CFAP74: variants seen among roughly 807,000 people sequenced by gnomAD.
CFAP74 encodes the protein cilia- and flagella-associated protein 74.
CFAP74 carries 124 observed loss-of-function variants against 188.9 expected under a neutral mutation model. The observed-to-expected ratio is 0.66, with a 90% CI of 0.57 to 0.76. The LOEUF (loss-of-function observed/expected upper bound fraction) is 0.76. Among genes scored for constraint, CFAP74 ranks in the 30% least tolerant of loss-of-function variants. The pLI, the probability that CFAP74 is intolerant of heterozygous loss-of-function variation, is 0.00. For missense variants in CFAP74, 2,198 were observed against 2,165.2 expected (o/e 1.02, Z -0.30); for synonymous variants, 956 against 916.7 (o/e 1.04, Z -0.77).
chr1:1,951,886 T>C (rs1654222471), intron 18 of CFAP74, among the ~76,000 whole-genome samples: 1 of 152,132 alleles, frequency 6.6e-6, no homozygotes, highest in Non-Finnish European at 1.5e-5. Flanking sequence ...GCCTGTGTGA[T>C]GCAAACCGCC....
At position 1,939,702 on chromosome 1, in the gene CFAP74, C is replaced by T. The variant is rs770019230; in HGVS notation, c.2769G>A (p.Ser923=). 12 of 1,535,964 alleles carry T rather than the reference C, an allele frequency of 7.8e-6. No individual in the cohort carries two copies. Among genetic ancestry groups the T allele is most frequent in the Admixed American group, 3.9e-5 (2 of 50,980 alleles). Residue 923 remains serine (S), a synonymous_variant, in exon 24 of 39, where the codon TCG becomes TCA. Coordinates refer to ENST00000682832, the MANE Select transcript of CFAP74 (RefSeq NM_001304360.2). ...VTTSDLELSP[S]EVDFGYCTIY... ...TGGTGCAGTAGCCAAAATCCACCTC[C>T]GAGGGACTGAGCTCCAGGTCCGAGG...
Position 1,970,938 on chromosome 1 carries a change from CAT to C in CFAP74, c.889-124_889-123del, listed in dbSNP as rs761122409. On this transcript the variant is annotated intron_variant, in intron 9 of 38. Coordinates refer to ENST00000682832, the MANE Select transcript of CFAP74 (RefSeq NM_001304360.2). ...ACACGTGCACACACGTGCACACACACATGCACACCTGCACATGCACACATCAC... is the reference window on the plus strand; with the variant it reads ...ACACGTGCACACACGTGCACACACACGCACACCTGCACATGCACACATCAC... The C allele has an allele frequency of 3.7e-3, 4,388 of 1,186,484 alleles. 25 individuals carry two copies. Among genetic ancestry groups the C allele is most frequent in the Non-Finnish European group, 4.5e-3 (3,722 of 831,852 alleles). The allele number at this position is 1,186,484 out of a possible 1,614,324, so 73.5% of individuals were successfully genotyped here. A position where few individuals can be genotyped will look rare whatever the true frequency, so the allele number is the denominator to read the frequency against.
At chr1:1,943,269 T>C (rs548639081) in intron 21 of CFAP74, among the ~76,000 whole-genome samples, 32 of 151,444 alleles carry the variant, frequency 2.1e-4, no homozygotes, top group African/African-American at 6.4e-4. Context: ...TGAGAGGCTG[T>C]AGTAGGACGA....
At chr1:1,988,832 C>CCCCACCCCCACCCCCACCCCCCCACA in intron 3 of CFAP74, 57 bp downstream of exon 3, 1 of 436,596 alleles carries the variant, frequency 2.3e-6, no homozygotes, top group African/African-American at 2.4e-5. Flanking sequence ...ACCCCCCCAC[C>CCCCACCCCCACCCCCACCCCCCCACA]CCCACCCCCA....
chr1:1,942,099 C>T lies in CFAP74; in HGVS notation c.2544G>A (p.Leu848=). 6.5e-7 allele frequency: 1 copy of T among 1,532,432 alleles called. No homozygotes were observed. The highest frequency in any genetic ancestry group is 8.7e-7 in the Non-Finnish European group (1 of 1,145,458). 94.9% of individuals were successfully genotyped at this position (1,532,432 alleles called of 1,614,324 possible). The change falls in exon 22 of 39, where the codon CTG becomes CTA. Residue 848 remains leucine (L), a synonymous_variant. Transcript: ENST00000682832. This position sits in a 1 kb window ranked among gnomAD's most constrained non-coding sequence, Gnocchi z 4.3. ...FEVCKELRAH[L]ELLPKTGYIQ... ...TATAGCCTGTCTTGGGCAGGAGCTC[C>T]AGGTGGGCCCTCAGCTCCTTGCACA...
At chr1:1,932,651 T>C (rs1652507355) in intron 25 of CFAP74, among the ~76,000 whole-genome samples, 1 of 151,464 alleles carries the variant, frequency 6.6e-6, no homozygotes, top group Non-Finnish European at 1.5e-5. Context: ...TGGAGAGCAG[T>C]GGCATGATCT....
At position 1,970,777 on chromosome 1, in the gene CFAP74, C is replaced by CCTTG. The variant is rs1558041281; in HGVS notation, c.924_927dup (p.Ala310GlnfsTer12). ...TGGACCCTCTGCTCCGCCAGCTCTG[C>CCTTG]CTTGGCACGGTCCCATGCTTGGAAC... is the stretch of plus-strand genomic sequence containing the variant. On this transcript the variant is annotated frameshift_variant, in exon 10 of 39. Coordinates refer to ENST00000682832, the MANE Select transcript of CFAP74 (RefSeq NM_001304360.2). LOFTEE classifies it high-confidence loss of function. 1.9e-6 allele frequency: 3 copies of CCTTG among 1,614,174 alleles called. No individual in the cohort carries two copies. The Admixed American group carries it at 5.0e-5, about 27-fold the overall frequency.
At chr1:1,999,793 G>C (rs761134907) in intron 1 of CFAP74, among the ~76,000 whole-genome samples, 1 of 152,078 alleles carries the variant, frequency 6.6e-6, no homozygotes, top group Non-Finnish European at 1.5e-5. Context: ...CTACAGCTTA[G>C]GCGACAGAGC....
intron 25 of CFAP74, among the ~76,000 whole-genome samples, chr1:1,935,867 T>TACACAC (rs35582265): frequency 5.8e-4 from 86 of 147,882 alleles, no homozygotes; most frequent in African/African-American, 2.0e-3. Context: ...TTTTCAGCAC[T>TACACAC]ACACACACAC....
chr1:1,964,901 A>G lies in CFAP74; in HGVS notation c.1562T>C (p.Leu521Pro), dbSNP rs1413064734. The G allele has an allele frequency of 1.9e-5, 31 of 1,613,492 alleles. No homozygotes were observed. Among genetic ancestry groups the G allele is most frequent in the Non-Finnish European group, 2.6e-5 (31 of 1,179,922 alleles). ...CTGCGGGCTCACCTGGAAGTGGAGG[A>G]GCTCCGGTTTGCTGTTGAAGGGGCG... ...QGRPFNSKPE[L>P]LHFQDFDIGK... is the part of the protein sequence containing the mutation. The change falls in exon 13 of 39, where the codon CTC (leucine) becomes CCC (proline). Residue 521 changes from leucine to proline, a missense_variant. By Grantham distance (98) the Leu-to-Pro change is moderately conservative. Coordinates refer to ENST00000682832, the MANE Select transcript of CFAP74 (RefSeq NM_001304360.2).
intron 18 of CFAP74, among the ~76,000 whole-genome samples, chr1:1,948,856 C>T (rs1653966309): frequency 6.6e-6 from 1 of 152,024 alleles, no homozygotes; most frequent in Non-Finnish European, 1.5e-5. Flanking sequence ...CATGTCTGAA[C>T]CATGCAAGAT....
intron 4 of CFAP74, 40 bp downstream of exon 4, chr1:1,988,472 A>T: frequency 6.2e-7 from 1 of 1,603,964 alleles, no homozygotes; most frequent in Middle Eastern, 2.1e-4. Context: ...CCTGGGGGGC[A>T]TCAAGAGGTG....
At chr1:1,951,921 T>G (rs1477204837) in intron 18 of CFAP74, among the ~76,000 whole-genome samples, 1 of 152,114 alleles carries the variant, frequency 6.6e-6, no homozygotes. Context: ...GAGAATACCA[T>G]TCAGGCTGAA....
In CFAP74 at chr1:1,958,444, C is replaced by T. The variant is rs540676300; in HGVS notation, c.1851+676G>A. 3.3e-5 allele frequency among the ~76,000 whole-genome samples: 5 copies of T among 152,350 alleles called. No homozygotes were observed. The South Asian group carries it at 1.0e-3, about 32-fold the overall frequency. On this transcript the variant is annotated intron_variant, in intron 16 of 38. Coordinates refer to ENST00000682832, the MANE Select transcript of CFAP74 (RefSeq NM_001304360.2). ...ACTCTGGAGTCCAGCCTGGACGGGG[C>T]TGGCCGCAGAGGGCTTCACACTCGC...
At chr1:1,969,723 G>T (rs1276507693) in intron 10 of CFAP74, among the ~76,000 whole-genome samples, 2 of 152,168 alleles carry the variant, frequency 1.3e-5, no homozygotes, top group Non-Finnish European at 2.9e-5. Context: ...CAGGTGGGCA[G>T]GCTGATGGGT....
At position 1,974,215 on chromosome 1, in the gene CFAP74, A is replaced by G. The variant is rs779766675; in HGVS notation, c.501-17T>C. 20 of 1,577,840 alleles carry G rather than the reference A, an allele frequency of 1.3e-5. No homozygotes were observed. Among genetic ancestry groups the G allele is most frequent in the Non-Finnish European group, 1.6e-5 (19 of 1,157,630 alleles). On this transcript the variant is annotated splice_polypyrimidine_tract_variant and intron_variant, in intron 6 of 38. Transcript: ENST00000682832. ...ATGGTGTTCCTTCAAACAAGAGGCAAAGCAGCTGGAGACGGGCCCCACAGT... is the reference window on the plus strand; with the variant it reads ...ATGGTGTTCCTTCAAACAAGAGGCAGAGCAGCTGGAGACGGGCCCCACAGT...
chr1:1,959,356 C>A (rs1402432687), intron 15 of CFAP74, 147 bp from the exon 16 acceptor site: 5 of 606,344 alleles, frequency 8.2e-6, no homozygotes, highest in East Asian at 2.8e-5. Context: ...CACCCACCCC[C>A]ACCTGGGGTC....
intron 27 of CFAP74, chr1:1,927,962 T>C (rs1570820568): frequency 1.7e-6 from 1 of 574,780 alleles, no homozygotes; most frequent in East Asian, 3.0e-5. Flanking sequence ...TGGCGTCTGC[T>C]TCACCAGAGG....
intron 25 of CFAP74, among the ~76,000 whole-genome samples, chr1:1,930,886 A>C (rs1375570573): frequency 6.6e-6 from 1 of 152,308 alleles, no homozygotes. Flanking sequence ...GATTCCTGCC[A>C]CCATCTATTA....
Sources: gnomAD v4.1 joint callset for allele counts (sites outside exome capture counted in the v4.1 genomes callset) on GRCh38, gnomAD v4.1.1 for gene constraint, Gnocchi (gnomAD v3.1) non-coding constraint, MANE v1.5 for transcripts, NCBI Gene and HGNC (gene_info 2026-07-23, HGNC 2026-07-21) for gene names.